The following LINGO2 variants were observed in gnomAD, a reference collection of about 807,000 sequenced individuals.
The protein encoded by LINGO2 is leucine rich repeat and Ig domain containing 2.
A neutral mutation model predicts 30.6 loss-of-function variants in LINGO2; 14 were observed. The ratio of observed to expected loss-of-function variants is 0.46; its 90% CI spans 0.30 to 0.72. The LOEUF is 0.72. Among genes scored for constraint, LINGO2 ranks in the 30% least tolerant of loss-of-function variants. The pLI, the probability that LINGO2 is intolerant of heterozygous loss-of-function variation, is 0.07. For synonymous variants in LINGO2, 317 were observed against 288.5 expected, an observed-to-expected ratio of 1.10 and a Z score of -1.00; for missense variants, 729 against 751.7, an observed-to-expected ratio of 0.97 and a Z score of 0.35.
At chr9:28,363,494 A>G (rs1225666331) in intron 3 of LINGO2, among the ~76,000 whole-genome samples, 1 of 152,192 alleles carries the variant, frequency 6.6e-6, no homozygotes, top group Non-Finnish European at 1.5e-5. Flanking sequence ...TTCAGGTAAT[A>G]GTCACATTGA....
the LINGO2 span, among the ~76,000 whole-genome samples, chr9:28,885,023 TG>T: frequency 1.1e-5 from 1 of 93,078 alleles, no homozygotes; most frequent in African/African-American, 4.0e-5. Context: ...TATATATATA[TG>T]GCTAAAGAAA....
At chr9:28,325,723 A>T (rs899346312) in intron 3 of LINGO2, among the ~76,000 whole-genome samples, 6 of 152,136 alleles carry the variant, frequency 3.9e-5, no homozygotes, top group African/African-American at 1.4e-4. Flanking sequence ...CTGTGAGTCC[A>T]TTAAACCTCT....
intron 4 of LINGO2, among the ~76,000 whole-genome samples, chr9:28,046,662 T>C (rs1374387174): frequency 1.3e-5 from 2 of 152,144 alleles, no homozygotes; most frequent in African/African-American, 2.4e-5. Flanking sequence ...CTCCTGCTCA[T>C]AGTAGCTCTT....
At chr9:28,356,355 T>C (rs902311572) in intron 3 of LINGO2, among the ~76,000 whole-genome samples, 16 of 152,128 alleles carry the variant, frequency 1.1e-4, no homozygotes, top group African/African-American at 3.6e-4. Context: ...ACCCATGAGA[T>C]ATTGTAACAT....
At chr9:28,407,543 G>A (rs1239544849) in intron 2 of LINGO2, among the ~76,000 whole-genome samples, 1 of 152,090 alleles carries the variant, frequency 6.6e-6, no homozygotes, top group African/African-American at 2.4e-5. Flanking sequence ...GGTTTCTAAG[G>A]CCACAGCACA....
chr9:28,682,259 G>A, the LINGO2 span, among the ~76,000 whole-genome samples: 1 of 152,126 alleles, frequency 6.6e-6, no homozygotes, highest in Non-Finnish European at 1.5e-5. Flanking sequence ...AAAGGATTTG[G>A]CAGATGGAAA....
chr9:28,610,086 G>C (rs916101323), intron 1 of LINGO2, among the ~76,000 whole-genome samples: 3 of 150,794 alleles, frequency 2.0e-5, no homozygotes, highest in African/African-American at 7.3e-5. Context: ...TAGAGACAGA[G>C]GCAGAGAAAA....
At chr9:28,777,773 C>T in the LINGO2 span, among the ~76,000 whole-genome samples, 6 of 152,142 alleles carry the variant, frequency 3.9e-5, no homozygotes, top group Non-Finnish European at 5.9e-5. Flanking sequence ...CTGAGTTGCT[C>T]GTGTTAAGTC....
chr9:29,052,831 T>C, the LINGO2 span, among the ~76,000 whole-genome samples: 1 of 152,066 alleles, frequency 6.6e-6, no homozygotes, highest in Non-Finnish European at 1.5e-5. Context: ...TGACCAACCA[T>C]TAGTTGGTCA....
chr9:28,864,327 G>C, the LINGO2 span, among the ~76,000 whole-genome samples: 16 of 152,074 alleles, frequency 1.1e-4, no homozygotes, highest in East Asian at 3.1e-3. Context: ...TATGACTGCT[G>C]AAGTCCAAGA....
At chr9:28,730,739 A>G in the LINGO2 span, among the ~76,000 whole-genome samples, 1 of 152,146 alleles carries the variant, frequency 6.6e-6, no homozygotes, top group Non-Finnish European at 1.5e-5. Flanking sequence ...GTTCAGTGTC[A>G]TTACACATTA....
the LINGO2 span, among the ~76,000 whole-genome samples, chr9:29,100,191 G>C: frequency 7.9e-5 from 12 of 152,300 alleles, 1 homozygote; most frequent in Middle Eastern, 0.01. Flanking sequence ...AGTTGAACTC[G>C]TGGATATAGA....
intron 4 of LINGO2, among the ~76,000 whole-genome samples, chr9:28,058,473 C>A (rs576668707): frequency 6.6e-6 from 1 of 151,992 alleles, no homozygotes; most frequent in Non-Finnish European, 1.5e-5. Flanking sequence ...TTTCTTTTTC[C>A]GCAGCACATG....
At chr9:29,211,212 C>T in the LINGO2 span, among the ~76,000 whole-genome samples, 22 of 152,232 alleles carry the variant, frequency 1.4e-4, 1 homozygote, top group South Asian at 4.1e-3. Flanking sequence ...CAGCACAGCA[C>T]GCTGAAAAAT....
chr9:28,632,089 G>A (rs768597495), intron 1 of LINGO2, among the ~76,000 whole-genome samples: 11 of 152,108 alleles, frequency 7.2e-5, no homozygotes, highest in African/African-American at 9.7e-5. Context: ...TAGGCAGAAG[G>A]TGACACATAG....
intron 4 of LINGO2, among the ~76,000 whole-genome samples, chr9:28,048,553 A>G (rs1329103545): frequency 6.6e-6 from 1 of 150,912 alleles, no homozygotes; most frequent in South Asian, 2.1e-4. Flanking sequence ...ATTTATAGTG[A>G]TCTTATAAAT....
At chr9:28,072,203 T>A (rs1210794877) in intron 4 of LINGO2, among the ~76,000 whole-genome samples, 2 of 152,192 alleles carry the variant, frequency 1.3e-5, no homozygotes, top group African/African-American at 4.8e-5. Flanking sequence ...ACTGGCACAG[T>A]TGATGTCTTG....
chr9:28,646,412 C>G (rs10812857), intron 1 of LINGO2, among the ~76,000 whole-genome samples: 1 of 151,880 alleles, frequency 6.6e-6, no homozygotes, highest in Non-Finnish European at 1.5e-5. Flanking sequence ...GAGTCTGGAA[C>G]CTCAAATAAC....
chr9:28,193,985 G>C (rs1462167524), intron 4 of LINGO2, among the ~76,000 whole-genome samples: 1 of 152,230 alleles, frequency 6.6e-6, no homozygotes, highest in Non-Finnish European at 1.5e-5. Context: ...AAGTGGAATT[G>C]TATGGCATTT....
Sources: gnomAD v4.1 joint callset for allele counts (sites outside exome capture counted in the v4.1 genomes callset) on GRCh38, gnomAD v4.1.1 for gene constraint, MANE v1.5 for transcripts, NCBI Gene and HGNC (gene_info 2026-07-23, HGNC 2026-07-21) for gene names.